Variants in ERC2 observed in about 807,000 individuals in gnomAD.
ERC2 encodes ERC protein 2.
ERC2 carries 42 observed loss-of-function variants against 114.8 expected under a neutral mutation model. The ratio of observed to expected loss-of-function variants is 0.37; its 90% CI spans 0.29 to 0.47. The LOEUF (loss-of-function observed/expected upper bound fraction) is 0.47. ERC2 is among the 20% of genes least tolerant of loss of function. ERC2 has a pLI of 0.99. For missense variants in ERC2, 939 were observed against 1,150.7 expected (o/e 0.82, Z 2.66); for synonymous variants, 454 against 425.5 (o/e 1.07, Z -0.82).
chr3:56,344,327 C>T (rs1380563776), intron 2 of ERC2, among the ~76,000 whole-genome samples: 1 of 152,194 alleles, frequency 6.6e-6, no homozygotes, highest in African/African-American at 2.4e-5. Flanking sequence ...CCCTCCTCCT[C>T]CTCCTCATTC....
At chr3:55,513,655 G>T (rs1266151336) in intron 17 of ERC2, among the ~76,000 whole-genome samples, 1 of 151,590 alleles carries the variant, frequency 6.6e-6, no homozygotes, top group African/African-American at 2.4e-5. Context: ...TTATTTTAAG[G>T]CAGGGTCTTG....
At chr3:56,078,231 C>G (rs1179006644) in intron 7 of ERC2, among the ~76,000 whole-genome samples, 1 of 152,180 alleles carries the variant, frequency 6.6e-6, no homozygotes, top group Non-Finnish European at 1.5e-5. Flanking sequence ...CCATGAAGAG[C>G]TCTACAGAAA....
chr3:56,145,488 T>C (rs2081088475), intron 5 of ERC2, among the ~76,000 whole-genome samples: 1 of 152,212 alleles, frequency 6.6e-6, no homozygotes, highest in Non-Finnish European at 1.5e-5. Context: ...AATTCATGCT[T>C]TCCATGGCCT....
intron 12 of ERC2, among the ~76,000 whole-genome samples, chr3:55,974,091 C>G (rs1217130509): frequency 6.6e-6 from 1 of 152,194 alleles, no homozygotes; most frequent in African/African-American, 2.4e-5. Flanking sequence ...TCCTTTCTAT[C>G]AGGCATACCG....
chr3:56,242,810 A>T (rs1236344138), intron 3 of ERC2, among the ~76,000 whole-genome samples: 1 of 152,226 alleles, frequency 6.6e-6, no homozygotes, highest in East Asian at 1.9e-4. Context: ...GCCATGTTGT[A>T]GGCTGGTCTT....
intron 11 of ERC2, among the ~76,000 whole-genome samples, chr3:55,986,661 A>AT (rs921262283): frequency 7.0e-4 from 106 of 152,144 alleles, no homozygotes; most frequent in South Asian, 1.5e-3. Flanking sequence ...GCTGAGAGTG[A>AT]TTTTTTTCAG....
intron 7 of ERC2, among the ~76,000 whole-genome samples, chr3:56,059,214 C>T (rs904793523): frequency 9.2e-5 from 14 of 152,046 alleles, no homozygotes; most frequent in Admixed American, 2.6e-4. Context: ...TCTCAGCCTC[C>T]TGAGTAGCTA....
intron 12 of ERC2, among the ~76,000 whole-genome samples, chr3:55,962,804 T>C (rs2068480168): frequency 6.6e-6 from 1 of 152,240 alleles, no homozygotes; most frequent in African/African-American, 2.4e-5. Flanking sequence ...CTCTATGCTA[T>C]GCCAACCAAC....
At chr3:56,132,063 T>C (rs552543687) in intron 6 of ERC2, among the ~76,000 whole-genome samples, 1 of 152,310 alleles carries the variant, frequency 6.6e-6, no homozygotes, top group South Asian at 2.1e-4. Context: ...ACTCTTTTGC[T>C]CCAAATGGGT....
chr3:56,395,729 G>C (rs1576747603), intron 2 of ERC2, among the ~76,000 whole-genome samples: 1 of 152,202 alleles, frequency 6.6e-6, no homozygotes, highest in African/African-American at 2.4e-5. Flanking sequence ...GAAGCCTGCA[G>C]AAACTCTTTT....
At chr3:55,749,407 C>G (rs1429517362) in intron 14 of ERC2, among the ~76,000 whole-genome samples, 1 of 152,152 alleles carries the variant, frequency 6.6e-6, no homozygotes, top group African/African-American at 2.4e-5. Flanking sequence ...AAGAATGGGG[C>G]TGGAGAACCC....
At chr3:55,876,926 AT>A (rs934112089) in intron 14 of ERC2, among the ~76,000 whole-genome samples, 3 of 152,192 alleles carry the variant, frequency 2.0e-5, no homozygotes, top group Admixed American at 6.5e-5. Flanking sequence ...TCTATACAGA[AT>A]GGGAAGTCCC....
intron 2 of ERC2, among the ~76,000 whole-genome samples, chr3:56,333,526 A>G (rs1169462288): frequency 6.6e-6 from 1 of 152,194 alleles, no homozygotes; most frequent in East Asian, 1.9e-4. Context: ...CTAAACAAAT[A>G]CTATCAAAAT....
intron 12 of ERC2, among the ~76,000 whole-genome samples, chr3:55,966,573 C>T (rs967722731): frequency 1.7e-4 from 26 of 152,206 alleles, no homozygotes; most frequent in African/African-American, 5.8e-4. Flanking sequence ...ATTACATAGA[C>T]CAGAAAAATG....
At chr3:55,836,674 C>T (rs1405352966) in intron 14 of ERC2, among the ~76,000 whole-genome samples, 1 of 152,038 alleles carries the variant, frequency 6.6e-6, no homozygotes, top group Admixed American at 6.6e-5. Context: ...TAGGCATTAC[C>T]ATTCAGGACA....
intron 14 of ERC2, among the ~76,000 whole-genome samples, chr3:55,875,720 ACACACTCT>A (rs1237816650): frequency 1.8e-3 from 260 of 146,912 alleles, no homozygotes; most frequent in African/African-American, 6.7e-3. Flanking sequence ...ACACACACAC[ACACACTCT>A]CTCTCTCTCA....
chr3:55,951,521 G>A (rs111578949), intron 12 of ERC2, among the ~76,000 whole-genome samples: 202 of 152,306 alleles, frequency 1.3e-3, no homozygotes, highest in African/African-American at 4.5e-3. Context: ...TAAGCTTAAT[G>A]TGTACTATTG....
chr3:56,295,980 T>A lies in ERC2; in HGVS notation c.1074+39A>T, dbSNP rs1380725004. ...TAACTTGATAACATATTTTCACTTA[T>A]AAATTAAGGCTTTGGGGAAATACAG... On this transcript the variant is annotated intron_variant, in intron 3 of 17. Coordinates refer to ENST00000288221, the MANE Select transcript of ERC2 (RefSeq NM_015576.3). 4 of 1,514,268 alleles carry A rather than the reference T, an allele frequency of 2.6e-6. No homozygotes were observed. In the South Asian group the frequency reaches 4.0e-5, roughly 15 times the overall value. The allele number at this position is 1,514,268 out of a possible 1,614,324, so 93.8% of individuals were successfully genotyped here.
chr3:55,690,387 C>T (rs2062578420), intron 16 of ERC2, among the ~76,000 whole-genome samples: 1 of 152,182 alleles, frequency 6.6e-6, no homozygotes, highest in African/African-American at 2.4e-5. Flanking sequence ...TGCTTCCCGA[C>T]ATTTCAAGGT....
Sources: allele counts gnomAD v4.1 joint callset (sites outside exome capture counted in the v4.1 genomes callset), GRCh38; gene constraint gnomAD v4.1.1; transcripts MANE v1.5; gene names NCBI Gene and HGNC (gene_info 2026-07-23, HGNC 2026-07-21).